The following AGL variants were observed in gnomAD, a reference collection of about 807,000 sequenced individuals.
AGL encodes the protein amylo-alpha-1,6-glucosidase and 4-alpha-glucanotransferase.
Under a neutral mutation model 199.3 loss-of-function variants are expected in AGL, and 128 were observed. The observed-to-expected ratio is 0.64, with a 90% confidence interval of 0.56 to 0.74. The LOEUF (loss-of-function observed/expected upper bound fraction) is 0.74. AGL is among the 30% of genes least tolerant of loss of function. The pLI, the probability that AGL is intolerant of heterozygous loss-of-function variation, is 0.00. For synonymous variants in AGL, 584 were observed against 594.7 expected, an observed-to-expected ratio of 0.98 and a Z score of 0.26; for missense variants, 1,809 against 1,820.8, an observed-to-expected ratio of 0.99 and a Z score of 0.12.
Position 99,861,506 on chromosome 1 carries a change from A to C in AGL, c.86A>C (p.Tyr29Ser), listed in dbSNP as rs2101084414. The change falls in exon 3 of 34, where the codon TAT becomes TCT. Residue 29 changes from tyrosine (Y) to serine (S), a missense_variant. By Grantham distance (144) the Tyr-to-Ser change is moderately radical. Transcript: ENST00000361915. Reference protein sequence around the residue: ...EKTLFRLEQGYELQFRLGPTL... With the variant: ...EKTLFRLEQGSELQFRLGPTL... Reference sequence around the variant, plus strand: ...TTAACATGTGCTTTTTATTTAGGGTATGAGCTACAGTTCCGATTAGGCCCA... The same window carrying C: ...TTAACATGTGCTTTTTATTTAGGGTCTGAGCTACAGTTCCGATTAGGCCCA... The C allele has an allele frequency of 2.5e-6, 4 of 1,613,838 alleles. No homozygotes were observed. The South Asian group carries it at 4.4e-5, about 18-fold the overall frequency.
intron 5 of AGL, among the ~76,000 whole-genome samples, chr1:99,869,899 A>T (rs653389): frequency 0.76 from 115,424 of 152,098 alleles, 44,496 homozygotes; most frequent in African/African-American, 0.91. Context: ...CAGGCTATCC[A>T]ACCTCCACTC....
intron 5 of AGL, among the ~76,000 whole-genome samples, chr1:99,869,144 C>T (rs527770741): frequency 6.6e-6 from 1 of 152,096 alleles, no homozygotes; most frequent in Non-Finnish European, 1.5e-5. Flanking sequence ...ATTTTTTATA[C>T]GTGAAAATCC....
At chr1:99,874,463 GTTTC>G (rs1651319077) in intron 7 of AGL, 1 of 462,626 alleles carries the variant, frequency 2.2e-6, no homozygotes, top group Non-Finnish European at 3.8e-6. Flanking sequence ...TTTTGTCTCT[GTTTC>G]TTTCTCCCCC....
At position 99,910,775 on chromosome 1, in the gene AGL, A is replaced by G. The variant is rs138134718; in HGVS notation, c.3764A>G (p.Asn1255Ser). 3.1e-4 allele frequency: 497 copies of G among 1,613,010 alleles called. No homozygotes were observed. In the African/African-American group the frequency reaches 5.0e-3, roughly 16 times the overall value. ...TGFVYGGNRF[N>S]CGTWMDKMGE... Reference sequence around the variant, plus strand: ...TTTGTTTATGGAGGAAATCGTTTCAATTGTGGCACATGGATGGATAAAATG... The same window carrying G: ...TTTGTTTATGGAGGAAATCGTTTCAGTTGTGGCACATGGATGGATAAAATG... Residue 1255 changes from asparagine (N) to serine (S), a missense_variant, in exon 28 of 34, where the codon AAT becomes AGT. Coordinates refer to ENST00000361915, the MANE Select transcript of AGL (RefSeq NM_000642.3).
At chr1:99,857,548 G>A (rs1270421846) in intron 2 of AGL, among the ~76,000 whole-genome samples, 7 of 151,938 alleles carry the variant, frequency 4.6e-5, no homozygotes, top group Non-Finnish European at 1.0e-4. Context: ...ATGAGACTCC[G>A]TCTGCAATCC....
intron 2 of AGL, among the ~76,000 whole-genome samples, chr1:99,855,199 T>C (rs184420243): frequency 3.4e-4 from 51 of 151,444 alleles, no homozygotes; most frequent in Admixed American, 7.9e-4. Flanking sequence ...AGACTCCGAC[T>C]CAAAAAAAAA....
At position 99,881,382 on chromosome 1, in the gene AGL, A is replaced by G. The variant is rs1257346542; in HGVS notation, c.2092A>G (p.Ile698Val). Residue 698 changes from isoleucine (I) to valine (V), a missense_variant, in exon 16 of 34, where the codon ATT becomes GTT. Coordinates refer to ENST00000361915, the MANE Select transcript of AGL (RefSeq NM_000642.3). ...AGGTGAAGTTAATTTCCAAAGCGGC[A>G]TTATTGCAGCCAGGTGTGCTATCAG... ...NTGEVNFQSG[I>V]IAARCAISKL... 1 of 1,614,178 alleles carries G rather than the reference A, an allele frequency of 6.2e-7. No homozygotes were observed. Among genetic ancestry groups the G allele is most frequent in the Middle Eastern group, 1.6e-4 (1 of 6,062 alleles).
chr1:99,882,533 G>GA (rs1652127403), intron 17 of AGL, among the ~76,000 whole-genome samples: 1 of 152,096 alleles, frequency 6.6e-6, no homozygotes, highest in Non-Finnish European at 1.5e-5. Context: ...AATACTATGC[G>GA]AATTGTCTGG....
At position 99,896,291 on chromosome 1, in the gene AGL, C is replaced by T; in HGVS notation, c.3265C>T (p.Pro1089Ser). Residue 1089 changes from proline (P) to serine (S), a missense_variant, in exon 25 of 34, where the codon CCT (proline) becomes TCT (serine). Pro to Ser is a moderately conservative substitution (Grantham distance 74). Transcript: ENST00000361915. The stretch of plus-strand genomic sequence containing the variant: ...TGTTGTGTTTTTTTTGTTAGGCTTA[C>T]CTCATTTTTCTTCTGGTATTTTCCG... ...QCCVSLAAGLPHFSSGIFRCW... is the reference protein window; with the variant it reads ...QCCVSLAAGLSHFSSGIFRCW... 2 of 1,612,634 alleles carry T rather than the reference C, an allele frequency of 1.2e-6. No homozygotes were observed. The highest frequency in any genetic ancestry group is 8.5e-7 in the Non-Finnish European group (1 of 1,179,044).
At chr1:99,888,581 A>G (rs1652637213) in intron 21 of AGL, among the ~76,000 whole-genome samples, 1 of 152,112 alleles carries the variant, frequency 6.6e-6, no homozygotes, top group Non-Finnish European at 1.5e-5. Context: ...TTTTAAATCT[A>G]ATTGGAAATA....
chr1:99,858,081 A>C (rs1241921257), intron 2 of AGL, among the ~76,000 whole-genome samples: 1 of 152,178 alleles, frequency 6.6e-6, no homozygotes, highest in Non-Finnish European at 1.5e-5. Context: ...CATGCATTGC[A>C]CTTTTACTTA....
intron 5 of AGL, among the ~76,000 whole-genome samples, chr1:99,865,445 T>C (rs1650428202): frequency 6.6e-6 from 1 of 152,190 alleles, no homozygotes; most frequent in African/African-American, 2.4e-5. Flanking sequence ...TTAAATTTAG[T>C]CTGTTTTGGT....
chr1:99,898,457 A>G, intron 25 of AGL, among the ~76,000 whole-genome samples: 1 of 152,174 alleles, frequency 6.6e-6, no homozygotes, highest in East Asian at 1.9e-4. Flanking sequence ...ATGGCCCTTT[A>G]TAGAAAAGGT....
At chr1:99,909,556 T>C (rs1654582332) in intron 27 of AGL, among the ~76,000 whole-genome samples, 1 of 152,118 alleles carries the variant, frequency 6.6e-6, no homozygotes, top group Non-Finnish European at 1.5e-5. Context: ...CTAGAGTCAA[T>C]TGGTTTTTCT....
chr1:99,920,118 A>G (rs183747776), intron 33 of AGL, among the ~76,000 whole-genome samples: 50 of 152,306 alleles, frequency 3.3e-4, no homozygotes, highest in African/African-American at 1.1e-3. Flanking sequence ...TTGTAACCTC[A>G]TTTTGTTTTT....
rs762797491 is a variant in AGL, at chr1:99,891,668, A to G, written c.3012A>G (p.Pro1004=). ...YLKQIPRYLI[P]CYFDAILIGA... The stretch of plus-strand genomic sequence containing the variant: ...AGCAGATCCCACGTTACCTTATCCC[A>G]TGTTACTTTGATGCTATATTAATTG... Residue 1004 remains proline (P), a synonymous_variant, in exon 23 of 34, where the codon CCA becomes CCG. Coordinates refer to ENST00000361915, the MANE Select transcript of AGL (RefSeq NM_000642.3). The G allele has an allele frequency of 6.2e-7, 1 of 1,613,566 alleles. No homozygotes were observed. The highest frequency in any genetic ancestry group is 8.5e-7 in the Non-Finnish European group (1 of 1,179,598).
intron 5 of AGL, among the ~76,000 whole-genome samples, chr1:99,869,940 C>A (rs369226443): frequency 6.6e-6 from 1 of 152,196 alleles, no homozygotes; most frequent in East Asian, 1.9e-4. Flanking sequence ...GCTACCGTGC[C>A]TGGCCAAAAC....
At chr1:99,895,203 C>A (rs1653206338) in intron 24 of AGL, among the ~76,000 whole-genome samples, 1 of 152,146 alleles carries the variant, frequency 6.6e-6, no homozygotes, top group Admixed American at 6.5e-5. Context: ...CACCCACTAC[C>A]ACGCCTGGCT....
rs2035960 is a variant in AGL at position 99,891,485 on chromosome 1, A to G, written c.2950-121A>G. On this transcript the variant is annotated intron_variant, in intron 22 of 33. Coordinates refer to ENST00000361915, the MANE Select transcript of AGL (RefSeq NM_000642.3). ...CTCCTTCCTTCATCATCTTTCAGTT[A>G]TAATAAATGGAAATCGGGTTTATAG... 820,882 of 1,501,534 alleles carry G rather than the reference A, an allele frequency of 0.55. 226,991 individuals are homozygous for G. Among genetic ancestry groups the G allele is most frequent in the East Asian group, 0.68 (28,872 of 42,754 alleles). 93.0% of individuals were successfully genotyped at this position (1,501,534 alleles called of 1,614,324 possible). A position where few individuals can be genotyped will look rare whatever the true frequency, so the allele number is the denominator to read the frequency against.
Sources: gnomAD v4.1 joint callset for allele counts (sites outside exome capture counted in the v4.1 genomes callset) on GRCh38, gnomAD v4.1.1 for gene constraint, MANE v1.5 for transcripts, NCBI Gene and HGNC (gene_info 2026-07-23, HGNC 2026-07-21) for gene names.